Variants in GRID1 observed in about 807,000 individuals in gnomAD.
The protein encoded by GRID1 is glutamate receptor ionotropic, delta-1.
Under a neutral mutation model 98.0 loss-of-function variants are expected in GRID1, and 28 were observed. That is an observed-to-expected ratio of 0.29 (90% CI 0.21 to 0.39). The LOEUF (loss-of-function observed/expected upper bound fraction) is 0.39, where lower values mean the gene tolerates loss of function less well. Ranked by LOEUF, GRID1 falls within the 10% of genes least tolerant of loss-of-function variation. The probability of loss-of-function intolerance (pLI) is 1.00; values close to 1 mark genes in which losing one functional copy is unlikely to be tolerated. For missense variants in GRID1, 1,111 were observed against 1,340.5 expected (o/e 0.83, Z 2.67); for synonymous variants, 553 against 538.5 (o/e 1.03, Z -0.37).
chr10:86,089,275 A>T (rs1448363754), intron 4 of GRID1, among the ~76,000 whole-genome samples: 2 of 152,194 alleles, frequency 1.3e-5, no homozygotes, highest in African/African-American at 4.8e-5. Flanking sequence ...GGGAAGGGTC[A>T]GTGGTGGCTT....
intron 2 of GRID1, among the ~76,000 whole-genome samples, chr10:86,261,000 C>T (rs1201056447): frequency 6.6e-6 from 1 of 152,212 alleles, no homozygotes; most frequent in East Asian, 1.9e-4. Context: ...TTCCTCAAAC[C>T]GAAGAAAAAG....
At chr10:86,234,658 C>A (rs1846507806) in intron 2 of GRID1, among the ~76,000 whole-genome samples, 1 of 152,192 alleles carries the variant, frequency 6.6e-6, no homozygotes, top group South Asian at 2.1e-4. Flanking sequence ...TTTAATTTCA[C>A]TTGCTGCTCT....
At position 85,602,319 on chromosome 10, in the gene GRID1, C is replaced by A; in HGVS notation, c.2984G>T (p.Gly995Val). The A allele has an allele frequency of 6.4e-7, 1 of 1,551,500 alleles. No homozygotes were observed. The highest frequency in any genetic ancestry group is 1.2e-5 in the South Asian group (1 of 80,468). The change falls in exon 16 of 16, where the codon GGC becomes GTC. Residue 995 changes from glycine (G) to valine (V), a missense_variant. Around this residue, in one of 3 missense-constraint regions of GRID1, gnomAD observed 762 missense variants for 869.1 expected, o/e 0.88. Coordinates refer to ENST00000327946, the MANE Select transcript of GRID1 (RefSeq NM_017551.3). ...IPMSFQPVPGGVLPEALDTSH... is the reference protein window; with the variant it reads ...IPMSFQPVPGVVLPEALDTSH... ...GGTGTCCAGAGCCTCTGGAAGGACG[C>A]CTCCAGGCACGGGCTGGAAGGACAT...
chr10:86,326,100 G>C (rs912554402), intron 2 of GRID1, among the ~76,000 whole-genome samples: 3 of 152,176 alleles, frequency 2.0e-5, no homozygotes, highest in African/African-American at 7.2e-5. Context: ...CTCCCAATTA[G>C]AAAATGTAAT....
chr10:85,950,393 A>G (rs1842105443), intron 4 of GRID1, among the ~76,000 whole-genome samples: 2 of 152,224 alleles, frequency 1.3e-5, no homozygotes, highest in African/African-American at 2.4e-5. Context: ...GGTACAGCTC[A>G]GTGTAATCAC....
intron 6 of GRID1, among the ~76,000 whole-genome samples, chr10:85,865,505 G>C (rs1033472415): frequency 3.9e-5 from 6 of 152,104 alleles, no homozygotes; most frequent in Admixed American, 3.9e-4. Context: ...ATCTTCCCAA[G>C]AGCAGCCATT....
chr10:85,900,026 A>C (rs532167179), intron 5 of GRID1, among the ~76,000 whole-genome samples: 2 of 152,332 alleles, frequency 1.3e-5, no homozygotes, highest in African/African-American at 4.8e-5. Flanking sequence ...GGTTTGAGGC[A>C]GTAGGAAAGA....
At chr10:85,634,249 CCTCTCTCTCTCT>C (rs775506130) in intron 13 of GRID1, among the ~76,000 whole-genome samples, 88 of 92,372 alleles carry the variant, frequency 9.5e-4, no homozygotes, top group East Asian at 3.1e-3. Context: ...TGATGGGGCA[CCTCTCTCTCTCT>C]CTCTCTCTCT....
chr10:85,952,487 C>G (rs1309811479), intron 4 of GRID1, among the ~76,000 whole-genome samples: 2 of 152,178 alleles, frequency 1.3e-5, no homozygotes, highest in African/African-American at 4.8e-5. Context: ...GAAACAGGCA[C>G]TTTGATATCA....
chr10:85,998,713 T>C (rs1013063875), intron 4 of GRID1, among the ~76,000 whole-genome samples: 7 of 152,104 alleles, frequency 4.6e-5, no homozygotes, highest in Non-Finnish European at 1.0e-4. Context: ...ACTGATTCTT[T>C]GAAAACATCA....
chr10:85,648,185 A>G (rs1375633758), intron 12 of GRID1: 1 of 152,176 alleles, frequency 6.6e-6, no homozygotes, highest in Non-Finnish European at 1.5e-5. Context: ...CCAGGTGCAC[A>G]TTTGAGGGGG....
At chr10:86,020,001 T>G (rs944669547) in intron 4 of GRID1, among the ~76,000 whole-genome samples, 1 of 152,246 alleles carries the variant, frequency 6.6e-6, no homozygotes, top group Non-Finnish European at 1.5e-5. Context: ...CTCCTCTAAC[T>G]GACTTACCAT....
chr10:86,273,841 A>C (rs1350436262), intron 2 of GRID1, among the ~76,000 whole-genome samples: 1 of 151,772 alleles, frequency 6.6e-6, no homozygotes, highest in African/African-American at 2.4e-5. Context: ...GGTTGCAAAA[A>C]TTTTCTCCCA....
chr10:86,267,222 C>T (rs1182280324), intron 2 of GRID1, among the ~76,000 whole-genome samples: 1 of 152,254 alleles, frequency 6.6e-6, no homozygotes, highest in Non-Finnish European at 1.5e-5. Context: ...TTTGAGGAAA[C>T]AGGCTTCAAA....
At chr10:85,776,147 G>A (rs185164057) in intron 8 of GRID1, among the ~76,000 whole-genome samples, 108 of 152,232 alleles carry the variant, frequency 7.1e-4, no homozygotes, top group Non-Finnish European at 1.2e-3. Flanking sequence ...TCTTAACTAC[G>A]ATGCCCTTGC....
At chr10:85,780,787 A>G (rs945479409) in intron 8 of GRID1, among the ~76,000 whole-genome samples, 49 of 152,222 alleles carry the variant, frequency 3.2e-4, no homozygotes, top group Non-Finnish European at 1.5e-4. Flanking sequence ...TCAATGCTTA[A>G]TCATGGAAGT....
At chr10:86,298,283 A>G (rs1389559436) in intron 2 of GRID1, among the ~76,000 whole-genome samples, 1 of 152,258 alleles carries the variant, frequency 6.6e-6, no homozygotes, top group Non-Finnish European at 1.5e-5. Flanking sequence ...AGTTGCAACC[A>G]AAGCTGTAGT....
intron 2 of GRID1, among the ~76,000 whole-genome samples, chr10:86,283,469 G>A (rs1406220433): frequency 2.0e-5 from 3 of 152,158 alleles, no homozygotes; most frequent in Admixed American, 6.5e-5. Flanking sequence ...GCTAGAGAAG[G>A]AGGGCCTGGC....
In GRID1 at chr10:86,327,877, T is replaced by G. The variant is rs1270332641; in HGVS notation, c.235+36064A>C. Among the ~76,000 whole-genome samples the G allele has an allele frequency of 2.6e-5, 4 of 152,352 alleles. No homozygotes were observed. The East Asian group carries it at 7.7e-4, about 29-fold the overall frequency. On this transcript the variant is annotated intron_variant, in intron 2 of 15. Coordinates refer to ENST00000327946, the MANE Select transcript of GRID1 (RefSeq NM_017551.3). ...AATTTGGCAGAAGCCATTTTTAAAT[T>G]AAATGTGCATGTTATTCAGACAAGC...
Sources: allele counts gnomAD v4.1 joint callset (sites outside exome capture counted in the v4.1 genomes callset), GRCh38; gene constraint gnomAD v4.1.1; regional missense constraint gnomAD v4.1.1; transcripts MANE v1.5; gene names NCBI Gene and HGNC (gene_info 2026-07-23, HGNC 2026-07-21).